NCAM1: variants seen among roughly 807,000 people sequenced by gnomAD.
NCAM1 encodes antigen recognized by monoclonal antibody 5.1H11.
A neutral mutation model predicts 109.8 loss-of-function variants in NCAM1; 14 were observed. The observed-to-expected ratio is 0.13, with a 90% CI of 0.08 to 0.20. The LOEUF (loss-of-function observed/expected upper bound fraction) is 0.20. NCAM1 is among the 10% of genes least tolerant of loss of function. The pLI is 1.00. For missense variants in NCAM1, 774 were observed against 1,109.9 expected, an observed-to-expected ratio of 0.70 and a Z score of 4.30; for synonymous variants, 418 against 442.9, an observed-to-expected ratio of 0.94 and a Z score of 0.70.
chr11:113,132,834 A>T (rs112290085), intron 1 of NCAM1: 3 of 152,322 alleles, frequency 2.0e-5, no homozygotes, highest in African/African-American at 7.2e-5. Flanking sequence ...TCCTACCCCT[A>T]TTGAGACTGG....
chr11:113,148,652 A>G (rs1942109822), intron 1 of NCAM1, among the ~76,000 whole-genome samples: 1 of 152,182 alleles, frequency 6.6e-6, no homozygotes, highest in South Asian at 2.1e-4. Flanking sequence ...TCCTTATCTT[A>G]GATTGAATTG....
In NCAM1 at chr11:113,054,682, C is replaced by T. The variant is rs537855199; in HGVS notation, c.52+93018C>T. Among the ~76,000 whole-genome samples the T allele has an allele frequency of 2.2e-4, 34 of 152,266 alleles. No homozygotes were observed. In the South Asian group the frequency reaches 7.1e-3, roughly 32 times the overall value. ...TTTGGGGGCCAAATTGATCCAGTCT[C>T]CAAGTCTTTTTAGACAATTGCTAAT... On this transcript the variant is annotated intron_variant, in intron 1 of 19. Coordinates refer to ENST00000316851, the MANE Select transcript of NCAM1 (RefSeq NM_181351.5).
At chr11:113,228,695 A>C (rs529428151) in intron 9 of NCAM1, among the ~76,000 whole-genome samples, 1 of 152,234 alleles carries the variant, frequency 6.6e-6, no homozygotes, top group Non-Finnish European at 1.5e-5. Flanking sequence ...CTACAAGACT[A>C]CAGTAACCAA....
intron 1 of NCAM1, among the ~76,000 whole-genome samples, chr11:113,124,652 G>A (rs1360322417): frequency 6.6e-6 from 1 of 152,160 alleles, no homozygotes; most frequent in Non-Finnish European, 1.5e-5. Flanking sequence ...ATTTATTTTG[G>A]AAGGGCTTTC....
At chr11:113,031,556 G>A (rs146469623) in intron 1 of NCAM1, among the ~76,000 whole-genome samples, 2 of 152,096 alleles carry the variant, frequency 1.3e-5, no homozygotes, top group Admixed American at 6.5e-5. Context: ...GCCGGGCGTG[G>A]TGGCAGGCTC....
intron 1 of NCAM1, among the ~76,000 whole-genome samples, chr11:113,075,889 C>T (rs1938503188): frequency 6.6e-6 from 1 of 152,216 alleles, no homozygotes; most frequent in Admixed American, 6.5e-5. Context: ...TGTCATCATC[C>T]TTGGCCAATG....
At chr11:113,231,009 C>G (rs1316309066) in intron 9 of NCAM1, among the ~76,000 whole-genome samples, 2 of 152,210 alleles carry the variant, frequency 1.3e-5, no homozygotes, top group Non-Finnish European at 2.9e-5. Context: ...ACTCTCTGTG[C>G]CATTGTCCCT....
Position 113,192,641 on chromosome 11 carries a change from A to G in NCAM1, c.53-9738A>G, listed in dbSNP as rs181659463. Among the ~76,000 whole-genome samples the G allele has an allele frequency of 1.2e-4, 18 of 152,322 alleles. No homozygotes were observed. The East Asian group carries it at 3.1e-3, about 26-fold the overall frequency. ...AGGTGAGACCGGGACAGAGCAGGCA[A>G]AGAGGAAACAGTTGAAGAAATAACT... is the stretch of plus-strand genomic sequence containing the variant. On this transcript the variant is annotated intron_variant, in intron 1 of 19. Coordinates refer to ENST00000316851, the MANE Select transcript of NCAM1 (RefSeq NM_181351.5).
intron 1 of NCAM1, among the ~76,000 whole-genome samples, chr11:113,106,898 G>A (rs999846467): frequency 3.3e-5 from 5 of 152,346 alleles, no homozygotes; most frequent in South Asian, 2.1e-4. Context: ...GTTATGTGGT[G>A]TGGACTAAGA....
rs1555118624 is a variant in NCAM1, at chr11:113,237,947, T to C, written c.1825+2783T>C. ...AGATATAGATATATAGATATATATATAGATATATAGATAGATAGATAGATA... is the reference window on the plus strand; with the variant it reads ...AGATATAGATATATAGATATATATACAGATATATAGATAGATAGATAGATA... On this transcript the variant is annotated intron_variant, in intron 14 of 19. Transcript: ENST00000316851. Among the ~76,000 whole-genome samples the C allele has an allele frequency of 1.7e-4, 23 of 132,948 alleles. 1 individual carries two copies. Among genetic ancestry groups the C allele is most frequent in the Non-Finnish European group, 2.8e-4 (17 of 60,850 alleles). The allele number at this position is 132,948 out of a possible 152,430, so 87.2% of individuals were successfully genotyped here. A position where few individuals can be genotyped will look rare whatever the true frequency, so the allele number is the denominator to read the frequency against.
chr11:113,001,129 T>C (rs1335266549), intron 1 of NCAM1, among the ~76,000 whole-genome samples: 1 of 152,028 alleles, frequency 6.6e-6, no homozygotes, highest in Non-Finnish European at 1.5e-5. Flanking sequence ...GACCTGCACT[T>C]TTTGGTATAG....
chr11:113,118,816 A>G (rs1940822234), intron 1 of NCAM1, among the ~76,000 whole-genome samples: 2 of 152,066 alleles, frequency 1.3e-5, no homozygotes, highest in South Asian at 4.1e-4. Context: ...AAAATGAGCC[A>G]TTAAAAGACA....
intron 1 of NCAM1, among the ~76,000 whole-genome samples, chr11:113,163,828 C>T (rs1384255395): frequency 1.3e-5 from 2 of 152,152 alleles, no homozygotes; most frequent in Non-Finnish European, 2.9e-5. Context: ...GGGTGCCGGG[C>T]TGTGCAAATG....
At chr11:112,996,558 T>G (rs1951602308) in intron 1 of NCAM1, among the ~76,000 whole-genome samples, 1 of 152,208 alleles carries the variant, frequency 6.6e-6, no homozygotes, top group African/African-American at 2.4e-5. Flanking sequence ...ATTATTTTGC[T>G]TTGGGATTAT....
chr11:113,139,226 C>A (rs1941722907), intron 1 of NCAM1, among the ~76,000 whole-genome samples: 1 of 152,098 alleles, frequency 6.6e-6, no homozygotes, highest in African/African-American at 2.4e-5. Context: ...TTATTACTGG[C>A]AGAAAGAAAG....
chr11:113,012,937 T>G (rs1337675086), intron 1 of NCAM1, among the ~76,000 whole-genome samples: 10 of 152,174 alleles, frequency 6.6e-5, no homozygotes, highest in African/African-American at 2.4e-4. Context: ...GGGAAAAGGA[T>G]AATGATGTCT....
At chr11:113,241,403 C>T (rs1016791590) in intron 14 of NCAM1, among the ~76,000 whole-genome samples, 4 of 152,172 alleles carry the variant, frequency 2.6e-5, no homozygotes, top group Admixed American at 6.5e-5. Context: ...TTAGGCAAAT[C>T]GTTTAACCCT....
chr11:113,221,576 C>A, intron 9 of NCAM1: 1 of 431,466 alleles, frequency 2.3e-6, no homozygotes. Flanking sequence ...CTGGTAAAAT[C>A]ACATCCAGGT....
At chr11:112,978,051 G>A (rs892162100) in intron 1 of NCAM1, among the ~76,000 whole-genome samples, 7 of 151,776 alleles carry the variant, frequency 4.6e-5, no homozygotes, top group African/African-American at 1.7e-4. Flanking sequence ...AGTGTGTAAG[G>A]ATCCTGAACG....
Sources: gnomAD v4.1 joint callset for allele counts (sites outside exome capture counted in the v4.1 genomes callset) on GRCh38, gnomAD v4.1.1 for gene constraint, MANE v1.5 for transcripts, NCBI Gene and HGNC (gene_info 2026-07-23, HGNC 2026-07-21) for gene names.